Variants in FASN observed in about 807,000 individuals in gnomAD.
The protein encoded by FASN is fatty acid synthase.
In FASN, 50 loss-of-function variants were observed where a neutral mutation model predicts 250.0. The observed-to-expected ratio is 0.20, with a 90% CI of 0.16 to 0.25. The LOEUF (loss-of-function observed/expected upper bound fraction) is 0.25, where lower values mean the gene tolerates loss of function less well. Among genes scored for constraint, FASN ranks in the 10% least tolerant of loss-of-function variants. The pLI, the probability that FASN is intolerant of heterozygous loss-of-function variation, is 1.00. For missense variants in FASN, 3,031 were observed against 3,498.5 expected, an observed-to-expected ratio of 0.87 and a Z score of 3.37; for synonymous variants, 1,909 against 1,584.0, an observed-to-expected ratio of 1.21 and a Z score of -4.87.
rs553236322 is a variant in FASN at position 82,083,928 on chromosome 17, C to T, written c.5099-37G>A. The T allele has an allele frequency of 1.9e-3, 2,909 of 1,550,388 alleles. 79 individuals carry two copies. In the South Asian group the frequency reaches 0.031, roughly 16 times the overall value. On this transcript the variant is annotated intron_variant, in intron 29 of 42. Transcript: ENST00000306749. ...AGGAAGCGCGGCTGGTGAGCCAGGGCGGCGGGGCCAGGAGGGCAGCGGGAG... is the reference window on the plus strand; with the variant it reads ...AGGAAGCGCGGCTGGTGAGCCAGGGTGGCGGGGCCAGGAGGGCAGCGGGAG...
At chr17:82,096,104 G>T (rs1057194221) in intron 2 of FASN, among the ~76,000 whole-genome samples, 9 of 152,262 alleles carry the variant, frequency 5.9e-5, no homozygotes, top group Admixed American at 5.2e-4. Flanking sequence ...CCTCCTGGCA[G>T]GCTGGGCGCA....
intron 33 of FASN, 98 bp from the exon 34 acceptor site, chr17:82,082,776 C>T: frequency 1.9e-6 from 3 of 1,554,802 alleles, no homozygotes; most frequent in Non-Finnish European, 2.6e-6. Context: ...GAGCCCCATC[C>T]AGCAAGCCCC....
At position 82,087,794 on chromosome 17, in the gene FASN, G is replaced by A. The variant is rs2034132108; in HGVS notation, c.2934C>T (p.Asn978=). The A allele has an allele frequency of 6.2e-7, 1 of 1,612,428 alleles. No homozygotes were observed. Among genetic ancestry groups the A allele is most frequent in the African/African-American group, 1.3e-5 (1 of 75,042 alleles). ...LFDHPESPTP[N]PTEPLFLAQA... is the part of the protein sequence containing the mutation. Reference sequence around the variant, plus strand: ...GGGCCAGGAAGAGGGGCTCCGTGGGGTTGGGGGTGGGGCTTTCCGGGTGGT... The same window carrying A: ...GGGCCAGGAAGAGGGGCTCCGTGGGATTGGGGGTGGGGCTTTCCGGGTGGT... Residue 978 remains asparagine, a synonymous_variant, in exon 19 of 43, where the codon AAC becomes AAT. Coordinates refer to ENST00000306749, the MANE Select transcript of FASN (RefSeq NM_004104.5).
At chr17:82,093,560 A>G in intron 4 of FASN, 38 bp downstream of exon 4, 1 of 1,612,224 alleles carries the variant, frequency 6.2e-7, no homozygotes, top group South Asian at 1.1e-5. Context: ...GGGGACCTGA[A>G]GGCCACCCAC....
At chr17:82,090,759 C>G (rs1210586137) in intron 10 of FASN, 123 bp downstream of exon 10, 4 of 1,218,668 alleles carry the variant, frequency 3.3e-6, no homozygotes, top group Non-Finnish European at 4.7e-6. Context: ...GCCCCCAGCA[C>G]AAGGCTCTGC....
intron 11 of FASN, among the ~76,000 whole-genome samples, 155 bp downstream of exon 11, chr17:82,090,220 G>A (rs1040078288): frequency 2.0e-4 from 31 of 152,190 alleles, no homozygotes; most frequent in African/African-American, 7.0e-4. Flanking sequence ...CAGCTGCAGG[G>A]GACTCGCGCA....
In FASN at chr17:82,082,376, CTCTGGGG is replaced by C; in HGVS notation, c.5951_5957del (p.Thr1984SerfsTer15). ...TGGGCTTGCAGACGTCCTGGAAGAA[CTCTGGGG>C]TCTGGTTCTCCAGCAAGCCATCTCT... On this transcript the variant is annotated frameshift_variant, in exon 35 of 43. Coordinates refer to ENST00000306749, the MANE Select transcript of FASN (RefSeq NM_004104.5). LOFTEE classifies it high-confidence loss of function. The C allele has an allele frequency of 6.2e-7, 1 of 1,612,916 alleles. No individual in the cohort carries two copies. Among genetic ancestry groups the C allele is most frequent in the Non-Finnish European group, 8.5e-7 (1 of 1,180,002 alleles).
At position 82,087,905 on chromosome 17, in the gene FASN, G is replaced by A. The variant is rs137954901; in HGVS notation, c.2867-44C>T. Reference sequence around the variant, plus strand: ...GGAAGGGCCTGAGGACGGGCGGCATGGCCAGCGGGCACAGCCTCCGCAGCT... The same window carrying A: ...GGAAGGGCCTGAGGACGGGCGGCATAGCCAGCGGGCACAGCCTCCGCAGCT... On this transcript the variant is annotated intron_variant, in intron 18 of 42. Coordinates refer to ENST00000306749, the MANE Select transcript of FASN (RefSeq NM_004104.5). 9,964 of 1,612,202 alleles carry A rather than the reference G, an allele frequency of 6.2e-3. 41 individuals carry two copies. The highest frequency in any genetic ancestry group is 7.4e-3 in the Non-Finnish European group (8,700 of 1,179,540).
At position 82,082,621 on chromosome 17, in the gene FASN, G is replaced by C. The variant is rs1414766071; in HGVS notation, c.5825C>G (p.Ser1942Cys). Residue 1942 changes from serine (S) to cysteine (C), a missense_variant, in exon 34 of 43, where the codon TCC becomes TGC. Ser to Cys is a moderately radical substitution (Grantham distance 112). Transcript: ENST00000306749. ...CTCCAGTGAGCTGATGTTGCTGGTG[G>C]ACACCTGCACCTGTACGCCCTGGCG... Reference protein sequence around the residue: ...WRRQGVQVQVSTSNISSLEGA... With the variant: ...WRRQGVQVQVCTSNISSLEGA... 2 of 1,610,856 alleles carry C rather than the reference G, an allele frequency of 1.2e-6. No homozygotes were observed. The highest frequency in any genetic ancestry group is 1.1e-5 in the South Asian group (1 of 91,090).
rs1374257290 is a variant in FASN at position 82,090,968 on chromosome 17, G to A, written c.1594C>T (p.Leu532=). 3 of 1,612,944 alleles carry A rather than the reference G, an allele frequency of 1.9e-6. No homozygotes were observed. Among genetic ancestry groups the A allele is most frequent in the Non-Finnish European group, 2.5e-6 (3 of 1,179,992 alleles). The change falls in exon 10 of 43, where the codon CTG becomes TTG. Residue 532 remains leucine, a synonymous_variant. Coordinates refer to ENST00000306749, the MANE Select transcript of FASN (RefSeq NM_004104.5). ...CTCAGCAGCAGCTGTGACACCTTCA[G>A]GCCGAATGGCTTCACAGCCTCATCG... ...RSDEAVKPFG[L]KVSQLLLSTD...
intron 8 of FASN, among the ~76,000 whole-genome samples, chr17:82,092,010 G>A (rs991707178): frequency 2.0e-5 from 3 of 152,214 alleles, no homozygotes; most frequent in South Asian, 2.1e-4. Context: ...AGAAGTTGGG[G>A]GGCAGAGGGC....
chr17:82,080,342 A>G, intron 40 of FASN, 28 bp downstream of exon 40: 9 of 1,606,786 alleles, frequency 5.6e-6, no homozygotes, highest in Non-Finnish European at 7.6e-6. Context: ...CGTTTGCCGT[A>G]GGCCTCTAGG....
In FASN at chr17:82,080,249, G is replaced by A. The variant is rs762298431; in HGVS notation, c.7048-11C>T. On this transcript the variant is annotated splice_polypyrimidine_tract_variant and intron_variant, in intron 40 of 42. Coordinates refer to ENST00000306749, the MANE Select transcript of FASN (RefSeq NM_004104.5). ...CTTTGCCCGGTAGCTCTGAGAGGAA[G>A]GAGGGACTGCTGAGCAGATGGAAGG... The A allele has an allele frequency of 1.2e-6, 2 of 1,612,968 alleles. No homozygotes were observed. The highest frequency in any genetic ancestry group is 8.5e-7 in the Non-Finnish European group (1 of 1,179,960).
chr17:82,083,932 G>A (rs1263088864), intron 29 of FASN, 41 bp from the exon 30 acceptor site: 37 of 1,548,356 alleles, frequency 2.4e-5, no homozygotes, highest in Admixed American at 2.0e-4. Flanking sequence ...CCAGGGCGGC[G>A]GGGCCAGGAG....
chr17:82,089,894 T>C (rs935306241), intron 11 of FASN, among the ~76,000 whole-genome samples, 168 bp from the exon 12 acceptor site: 1 of 152,092 alleles, frequency 6.6e-6, no homozygotes, highest in Non-Finnish European at 1.5e-5. Flanking sequence ...GACCCGTGGG[T>C]GGAGGTGTCA....
At position 82,091,580 on chromosome 17, in the gene FASN, G is replaced by A. The variant is rs2034209881; in HGVS notation, c.1134C>T (p.Asp378=). The change falls in exon 9 of 43, where the codon GAC becomes GAT. Residue 378 remains aspartate (D), a synonymous_variant. Coordinates refer to ENST00000306749, the MANE Select transcript of FASN (RefSeq NM_004104.5). ...ALLDGRLQVV[D]QPLPVRGGNV... ...TGCCGCCACGGACGGGCAGGGGCTG[G>A]TCCACCACCTGCAGCCGCCCATCCA... The A allele has an allele frequency of 6.3e-7, 1 of 1,588,596 alleles. No homozygotes were observed. Among genetic ancestry groups the A allele is most frequent in the East Asian group, 2.3e-5 (1 of 43,662 alleles).
rs759051221 is a variant in FASN at position 82,092,689 on chromosome 17, G to T, written c.894+8C>A. The T allele has an allele frequency of 1.6e-3, 1,277 of 821,134 alleles. 10 individuals are homozygous for T. Among genetic ancestry groups the T allele is most frequent in the Middle Eastern group, 5.4e-3 (21 of 3,896 alleles). The allele number at this position is 821,134 out of a possible 1,614,324, so 50.9% of individuals were successfully genotyped here. On this transcript the variant is annotated splice_region_variant and intron_variant, in intron 7 of 42. Transcript: ENST00000306749. The stretch of plus-strand genomic sequence containing the variant: ...GGTGGTGAGTGGGGCGGGGGGGGGG[G>T]GCATCACCTTGGTGCCTGTGCCGTG...
chr17:82,097,819 G>C (rs1365597886), intron 1 of FASN, among the ~76,000 whole-genome samples: 1 of 152,086 alleles, frequency 6.6e-6, no homozygotes, highest in Non-Finnish European at 1.5e-5. Flanking sequence ...GGGAGGCCGA[G>C]CCGGGGGCTC....
chr17:82,091,035 G>A lies in FASN; in HGVS notation c.1527C>T (p.Ser509=). 1 of 1,612,592 alleles carries A rather than the reference G, an allele frequency of 6.2e-7. No homozygotes were observed. Among genetic ancestry groups the A allele is most frequent in the Non-Finnish European group, 8.5e-7 (1 of 1,179,966 alleles). Residue 509 remains serine (S), a synonymous_variant, in exon 10 of 43, where the codon AGC becomes AGT. Coordinates refer to ENST00000306749, the MANE Select transcript of FASN (RefSeq NM_004104.5). The stretch of plus-strand genomic sequence containing the variant: ...CTCGGAAGCGGTCCAGGCGCATGAG[G>A]CTCAGCCCCATCCCGCGCCACTGTG... ...MGTQWRGMGL[S]LMRLDRFRDS... is the part of the protein sequence containing the mutation.
Sources: gnomAD v4.1 joint callset for allele counts (sites outside exome capture counted in the v4.1 genomes callset) on GRCh38, gnomAD v4.1.1 for gene constraint, MANE v1.5 for transcripts, NCBI Gene and HGNC (gene_info 2026-07-23, HGNC 2026-07-21) for gene names.